ERC1: variants seen among roughly 807,000 people sequenced by gnomAD.
ERC1 encodes the protein RAB6 interacting protein 2.
In ERC1, 56 loss-of-function variants were observed where a neutral mutation model predicts 132.0. That is an observed-to-expected ratio of 0.42 (90% CI 0.34 to 0.53). ERC1 has a LOEUF of 0.53. ERC1 is among the 20% of genes least tolerant of loss of function. ERC1 has a pLI of 0.03. For synonymous variants in ERC1, 478 were observed against 476.1 expected, an observed-to-expected ratio of 1.00 and a Z score of -0.05; for missense variants, 1,202 against 1,349.9, an observed-to-expected ratio of 0.89 and a Z score of 1.72.
chr12:1,227,580 A>G (rs73025700), intron 12 of ERC1, among the ~76,000 whole-genome samples: 3,625 of 152,214 alleles, frequency 0.024, 52 homozygotes, highest in Middle Eastern at 0.075. Context: ...GTTTGCAAGC[A>G]TTTTTTCCCA....
chr12:1,014,425 C>G (rs566176959), intron 1 of ERC1, among the ~76,000 whole-genome samples: 1 of 152,184 alleles, frequency 6.6e-6, no homozygotes, highest in South Asian at 2.1e-4. Flanking sequence ...ATCCACCCAT[C>G]TTGGCCTCTC....
Position 1,483,668 on chromosome 12 carries a change from C to CTTTTTTTTTTTTTT in ERC1, c.3214-6400_3214-6387dup, listed in dbSNP as rs35596394. Among the ~76,000 whole-genome samples, 17 of 55,218 alleles carry CTTTTTTTTTTTTTT rather than the reference C, an allele frequency of 3.1e-4. 6 individuals are homozygous for CTTTTTTTTTTTTTT. Among genetic ancestry groups the CTTTTTTTTTTTTTT allele is most frequent in the Non-Finnish European group, 6.0e-4 (17 of 28,118 alleles). The allele number at this position is 55,218 out of a possible 152,430, so 36.2% of individuals were successfully genotyped here. A position where few individuals can be genotyped will look rare whatever the true frequency, so the allele number is the denominator to read the frequency against. ...CAAAACTCCTTCCAGCCACTGAGAGCTTTTTTTTTTTTTTTTTTTTTTTTT... is the reference window on the plus strand; with the variant it reads ...CAAAACTCCTTCCAGCCACTGAGAGCTTTTTTTTTTTTTTTTTTTTTTTTTTTTTTTTTTTTTTT... On this transcript the variant is annotated intron_variant, in intron 18 of 18. Coordinates refer to ENST00000360905, the MANE Select transcript of ERC1 (RefSeq NM_178040.4).
intron 18 of ERC1, among the ~76,000 whole-genome samples, chr12:1,449,987 A>C (rs950710867): frequency 6.6e-6 from 1 of 152,070 alleles, no homozygotes; most frequent in African/African-American, 2.4e-5. Context: ...TCAAATTTTG[A>C]AAATATAGTA....
In ERC1 at chr12:1,323,194, A is replaced by C. The variant is rs1180877592; in HGVS notation, c.2780+33182A>C. On this transcript the variant is annotated intron_variant, in intron 15 of 18. Coordinates refer to ENST00000360905, the MANE Select transcript of ERC1 (RefSeq NM_178040.4). ...GTAAGTGTGCAATGTCTAAAGCCCGAATAATTCTAATTTTAATGTCAACGC... is the reference window on the plus strand; with the variant it reads ...GTAAGTGTGCAATGTCTAAAGCCCGCATAATTCTAATTTTAATGTCAACGC... Among the ~76,000 whole-genome samples the C allele has an allele frequency of 2.0e-5, 3 of 152,140 alleles. No homozygotes were observed. The East Asian group carries it at 5.8e-4, about 29-fold the overall frequency.
At chr12:1,322,247 T>C (rs969630173) in intron 15 of ERC1, among the ~76,000 whole-genome samples, 1 of 141,960 alleles carries the variant, frequency 7.0e-6, no homozygotes, top group Non-Finnish European at 1.6e-5. Flanking sequence ...TGAGTATTAC[T>C]AACTGAGAAT....
intron 18 of ERC1, among the ~76,000 whole-genome samples, chr12:1,479,612 G>A (rs901346636): frequency 6.6e-6 from 1 of 152,190 alleles, no homozygotes; most frequent in Non-Finnish European, 1.5e-5. Flanking sequence ...GAGAAAAGTT[G>A]CTACTAGCTT....
At chr12:1,315,233 T>G (rs1367140029) in intron 15 of ERC1, among the ~76,000 whole-genome samples, 2 of 152,142 alleles carry the variant, frequency 1.3e-5, no homozygotes, top group Non-Finnish European at 2.9e-5. Flanking sequence ...TCCAGGCTGA[T>G]CTTGAACTCC....
intron 17 of ERC1, among the ~76,000 whole-genome samples, chr12:1,423,618 C>G (rs2092510453): frequency 6.6e-6 from 1 of 152,322 alleles, no homozygotes; most frequent in East Asian, 1.9e-4. Flanking sequence ...CAGATCCTCC[C>G]TGTCTTCACT....
chr12:1,465,635 G>A (rs1002355539), intron 18 of ERC1, among the ~76,000 whole-genome samples: 4 of 152,240 alleles, frequency 2.6e-5, no homozygotes, highest in African/African-American at 9.6e-5. Flanking sequence ...ACCATCTCCA[G>A]TTTGCAGACA....
chr12:1,309,165 G>A (rs922383676), intron 15 of ERC1, among the ~76,000 whole-genome samples: 7 of 152,102 alleles, frequency 4.6e-5, no homozygotes, highest in Non-Finnish European at 2.9e-5. Context: ...TTGTTACAGC[G>A]GCTTGAATAG....
chr12:1,281,999 G>A (rs762191505), intron 14 of ERC1, among the ~76,000 whole-genome samples: 6 of 151,882 alleles, frequency 4.0e-5, no homozygotes, highest in East Asian at 3.9e-4. Context: ...TGCTTATTAC[G>A]GGATTTATCT....
intron 11 of ERC1, among the ~76,000 whole-genome samples, chr12:1,188,892 C>T (rs1242336384): frequency 1.3e-5 from 2 of 152,100 alleles, no homozygotes; most frequent in African/African-American, 2.4e-5. Flanking sequence ...TCTCATTAAA[C>T]ACATTATACA....
intron 3 of ERC1, among the ~76,000 whole-genome samples, chr12:1,092,770 G>A (rs1458140533): frequency 6.6e-6 from 1 of 152,188 alleles, no homozygotes; most frequent in Admixed American, 6.5e-5. Context: ...AGACCAGCCT[G>A]GGCAATATGG....
chr12:1,145,629 G>A (rs781384967), intron 8 of ERC1, among the ~76,000 whole-genome samples: 3 of 152,116 alleles, frequency 2.0e-5, no homozygotes, highest in Non-Finnish European at 4.4e-5. Context: ...TTGGGTTCTT[G>A]TTCATGAAGT....
chr12:1,263,023 T>G lies in ERC1; in HGVS notation c.2488-11T>G. The G allele has an allele frequency of 6.2e-7, 1 of 1,613,312 alleles. No individual in the cohort carries two copies. The highest frequency in any genetic ancestry group is 1.3e-5 in the African/African-American group (1 of 75,022). On this transcript the variant is annotated splice_polypyrimidine_tract_variant and intron_variant, in intron 13 of 18. Coordinates refer to ENST00000360905, the MANE Select transcript of ERC1 (RefSeq NM_178040.4). Reference sequence around the variant, plus strand: ...TTAATCCACTTCACCTAGTCTTCCATCATTTTCTAGGACAGTCTCCGTAAG... The same window carrying G: ...TTAATCCACTTCACCTAGTCTTCCAGCATTTTCTAGGACAGTCTCCGTAAG...
intron 1 of ERC1, chr12:991,748 T>G (rs1009081804): frequency 2.0e-5 from 3 of 152,080 alleles, no homozygotes; most frequent in African/African-American, 7.3e-5. Context: ...ACGGAGAAAT[T>G]GGGGAGCCAT....
At chr12:1,373,363 T>C (rs746920330) in intron 16 of ERC1, among the ~76,000 whole-genome samples, 3 of 152,236 alleles carry the variant, frequency 2.0e-5, no homozygotes, top group Non-Finnish European at 2.9e-5. Flanking sequence ...ATTTAAGCAG[T>C]TCTTGATCTC....
chr12:995,485 T>G (rs1294158237), intron 1 of ERC1, among the ~76,000 whole-genome samples: 1 of 152,186 alleles, frequency 6.6e-6, no homozygotes, highest in Non-Finnish European at 1.5e-5. Flanking sequence ...AAGAATAAAG[T>G]TGCCAGTAAC....
At chr12:1,344,401 C>T (rs2084234519) in intron 15 of ERC1, among the ~76,000 whole-genome samples, 2 of 151,990 alleles carry the variant, frequency 1.3e-5, no homozygotes, top group African/African-American at 4.8e-5. Context: ...GTTCTCTTTG[C>T]ATTGAGTGAA....
Sources: allele counts gnomAD v4.1 joint callset (sites outside exome capture counted in the v4.1 genomes callset), GRCh38; gene constraint gnomAD v4.1.1; transcripts MANE v1.5; gene names NCBI Gene and HGNC (gene_info 2026-07-23, HGNC 2026-07-21).